Variants in THAP4 observed in about 807,000 individuals in gnomAD.
THAP4 encodes the protein THAP domain containing 4, also known as peroxynitrite isomerase THAP4.
In THAP4, 18 loss-of-function variants were observed where a neutral mutation model predicts 48.1. The ratio of observed to expected loss-of-function variants is 0.37; its 90% CI spans 0.26 to 0.56. The LOEUF (loss-of-function observed/expected upper bound fraction) is 0.56. THAP4 is among the 20% of genes least tolerant of loss of function. The pLI, the probability that THAP4 is intolerant of heterozygous loss-of-function variation, is 0.78. For missense variants in THAP4, 656 were observed against 774.9 expected (o/e 0.85, Z 1.82); for synonymous variants, 345 against 324.9 (o/e 1.06, Z -0.66).
At chr2:241,619,098 G>C (rs2067380222) in intron 2 of THAP4, among the ~76,000 whole-genome samples, 2 of 152,226 alleles carry the variant, frequency 1.3e-5, no homozygotes. Context: ...TCACAGGCTG[G>C]AGCCTGCTTC....
At chr2:241,617,496 T>G (rs990710697) in intron 2 of THAP4, 19 of 1,541,702 alleles carry the variant, frequency 1.2e-5, no homozygotes, top group Non-Finnish European at 1.4e-5. Flanking sequence ...TGTTTGCACC[T>G]GGCTCTTAAT....
chr2:241,626,046 A>C (rs2067492748), intron 2 of THAP4, among the ~76,000 whole-genome samples: 1 of 152,190 alleles, frequency 6.6e-6, no homozygotes, highest in African/African-American at 2.4e-5. Context: ...ACAGGATCAC[A>C]TTAATAGGTG....
intron 2 of THAP4, among the ~76,000 whole-genome samples, chr2:241,615,719 C>T (rs1309864826): frequency 1.3e-5 from 2 of 152,240 alleles, no homozygotes; most frequent in South Asian, 2.1e-4. Context: ...GCTGGAGCCA[C>T]ACACAGCGCC....
rs997045949 is a variant in THAP4 at position 241,632,783 on chromosome 2, C to T, written c.1240+134G>A. The T allele has an allele frequency of 3.7e-5, 25 of 677,240 alleles. No individual in the cohort carries two copies. The Middle Eastern group carries it at 1.2e-3, about 33-fold the overall frequency. 42.0% of individuals were successfully genotyped at this position (677,240 alleles called of 1,614,324 possible). A position where few individuals can be genotyped will look rare whatever the true frequency, so the allele number is the denominator to read the frequency against. On this transcript the variant is annotated intron_variant, in intron 2 of 5. Transcript: ENST00000407315. ...TTCCCTCATCCACAAGGTATGGTTA[C>T]GACCAGAGCTTCCTCCTGAGAGCGC... is the stretch of plus-strand genomic sequence containing the variant.
At chr2:241,595,084 C>T (rs2067031922) in intron 5 of THAP4, among the ~76,000 whole-genome samples, 1 of 152,112 alleles carries the variant, frequency 6.6e-6, no homozygotes, top group Admixed American at 6.5e-5. Context: ...GCCATCTCAG[C>T]TCATTGCAAC....
In THAP4 at chr2:241,610,178, C is replaced by T. The variant is rs2067247703; in HGVS notation, c.1241-3705G>A. On this transcript the variant is annotated intron_variant, in intron 2 of 5. Transcript: ENST00000407315. The surrounding 1 kb of genome is among the most constrained non-coding windows in gnomAD (Gnocchi z 4.2). Reference sequence around the variant, plus strand: ...GCCGCGGCGCCGGGCATGGCCTTCACACTCCCCACGAGGCAGGACAGCCCC... The same window carrying T: ...GCCGCGGCGCCGGGCATGGCCTTCATACTCCCCACGAGGCAGGACAGCCCC... Among the ~76,000 whole-genome samples the T allele has an allele frequency of 1.3e-5, 2 of 152,212 alleles. No individual in the cohort carries two copies. The highest frequency in any genetic ancestry group is 1.3e-4 in the Admixed American group (2 of 15,288).
intron 5 of THAP4, chr2:241,591,942 C>T (rs988278319): frequency 6.6e-6 from 1 of 152,150 alleles, no homozygotes; most frequent in Non-Finnish European, 1.5e-5. Flanking sequence ...AATCACAGAC[C>T]GAAAAAGCTA....
At chr2:241,635,391 G>C (rs540132544) in intron 1 of THAP4, among the ~76,000 whole-genome samples, 1 of 152,356 alleles carries the variant, frequency 6.6e-6, no homozygotes, top group East Asian at 1.9e-4. Context: ...AGGATGTTTA[G>C]TCATTTCTTT....
chr2:241,602,410 G>T (rs1019097080), intron 4 of THAP4, among the ~76,000 whole-genome samples: 2 of 151,732 alleles, frequency 1.3e-5, no homozygotes, highest in African/African-American at 4.8e-5. Flanking sequence ...TGTTGCCCAG[G>T]CTGGAGTGCA....
At chr2:241,618,812 CCACGAA>C (rs1036404716) in intron 2 of THAP4, among the ~76,000 whole-genome samples, 1 of 151,880 alleles carries the variant, frequency 6.6e-6, no homozygotes, top group African/African-American at 2.4e-5. Context: ...CAGGTTCTCC[CCACGAA>C]AAGCCAAGAA....
intron 2 of THAP4, among the ~76,000 whole-genome samples, chr2:241,617,162 T>C (rs1260543576): frequency 6.6e-6 from 1 of 152,146 alleles, no homozygotes; most frequent in South Asian, 2.1e-4. Flanking sequence ...TGTATTTTAC[T>C]CTCTGTAAAT....
chr2:241,619,937 G>A (rs1257536057), intron 2 of THAP4, among the ~76,000 whole-genome samples: 2 of 115,210 alleles, frequency 1.7e-5, no homozygotes, highest in Non-Finnish European at 1.8e-5. Flanking sequence ...AGGGGTGAGG[G>A]GTGAGTGAGT....
In THAP4 at chr2:241,636,956, G is replaced by A; in HGVS notation, c.62C>T (p.Ala21Val). 7.7e-7 allele frequency: 1 copy of A among 1,305,358 alleles called. No individual in the cohort carries two copies. The highest frequency in any genetic ancestry group is 1.0e-6 in the Non-Finnish European group (1 of 1,003,438). 80.9% of individuals were successfully genotyped at this position (1,305,358 alleles called of 1,614,324 possible). Reference sequence around the variant, plus strand: ...GCCCGCGTACCTGTGGAAGGAGACGGCGCGCTTCTCGCCCTTTCCCTGCCG... The same window carrying A: ...GCCCGCGTACCTGTGGAAGGAGACGACGCGCTTCTCGCCCTTTCCCTGCCG... Reference protein sequence around the residue: ...SNRQGKGEKRAVSFHRFPLKD... With the variant: ...SNRQGKGEKRVVSFHRFPLKD... Residue 21 changes from alanine to valine, a missense_variant, in exon 1 of 6, where the codon GCC (alanine) becomes GTC (valine). Coordinates refer to ENST00000407315, the MANE Select transcript of THAP4 (RefSeq NM_015963.6).
chr2:241,590,773 G>A (rs909574614), intron 5 of THAP4, among the ~76,000 whole-genome samples: 4 of 138,298 alleles, frequency 2.9e-5, no homozygotes, highest in East Asian at 2.6e-4. Flanking sequence ...TGATGATGAG[G>A]GGCACTAGGA....
intron 1 of THAP4, among the ~76,000 whole-genome samples, chr2:241,636,528 C>T (rs780621704): frequency 7.2e-5 from 11 of 152,214 alleles, no homozygotes; most frequent in Admixed American, 2.0e-4. Flanking sequence ...AAAGCCCTCT[C>T]GGGGGCTGTC....
chr2:241,623,718 A>G (rs558233692), intron 2 of THAP4, among the ~76,000 whole-genome samples: 17 of 152,310 alleles, frequency 1.1e-4, no homozygotes, highest in Non-Finnish European at 2.4e-4. Flanking sequence ...AAACACTTCC[A>G]TGCCCACAAA....
intron 5 of THAP4, among the ~76,000 whole-genome samples, chr2:241,598,974 C>A (rs1229802328): frequency 6.6e-6 from 1 of 151,908 alleles, no homozygotes; most frequent in African/African-American, 2.4e-5. Context: ...GGCTATCCGG[C>A]TGGGCGCAGT....
At chr2:241,592,647 G>A (rs989435375) in intron 5 of THAP4, among the ~76,000 whole-genome samples, 5 of 152,222 alleles carry the variant, frequency 3.3e-5, no homozygotes, top group African/African-American at 1.2e-4. Flanking sequence ...ATGCCACGGA[G>A]CAGCTAAAGG....
At chr2:241,592,454 ACAAGCTGTCCCTGGGG>A (rs2066995886) in intron 5 of THAP4, among the ~76,000 whole-genome samples, 1 of 152,128 alleles carries the variant, frequency 6.6e-6, no homozygotes, top group Admixed American at 6.5e-5. Flanking sequence ...GACATGAGTG[ACAAGCTGTCCCTGGGG>A]CAAGCTGGCC....
Sources: allele counts gnomAD v4.1 joint callset (sites outside exome capture counted in the v4.1 genomes callset), GRCh38; gene constraint gnomAD v4.1.1; non-coding constraint Gnocchi (gnomAD v3.1); transcripts MANE v1.5; gene names NCBI Gene and HGNC (gene_info 2026-07-23, HGNC 2026-07-21).